The following SCMH1 variants were observed in gnomAD, a reference collection of about 807,000 sequenced individuals.
SCMH1 encodes the protein Scm polycomb group protein homolog 1.
Under a neutral mutation model 70.8 loss-of-function variants are expected in SCMH1, and 37 were observed. That is an observed-to-expected ratio of 0.52 (90% CI 0.40 to 0.69). SCMH1 has a LOEUF of 0.69. SCMH1 is among the 30% of genes least tolerant of loss of function. The pLI is 0.00. For synonymous variants in SCMH1, 292 were observed against 307.4 expected (o/e 0.95, Z 0.52); for missense variants, 607 against 827.3 (o/e 0.73, Z 3.27).
intron 12 of SCMH1, among the ~76,000 whole-genome samples, chr1:41,045,299 T>C (rs1457841688): frequency 6.6e-6 from 1 of 152,102 alleles, no homozygotes; most frequent in African/African-American, 2.4e-5. Context: ...ATCATAGAAA[T>C]GGCTGCAGGG....
intron 13 of SCMH1, among the ~76,000 whole-genome samples, chr1:41,031,989 T>C (rs1214003996): frequency 2.0e-5 from 3 of 150,740 alleles, no homozygotes; most frequent in African/African-American, 4.8e-5. Context: ...TGAATGAGAT[T>C]AGTACTCTCA....
intron 6 of SCMH1, among the ~76,000 whole-genome samples, chr1:41,127,676 C>T (rs1673558608): frequency 6.6e-6 from 1 of 152,114 alleles, no homozygotes; most frequent in African/African-American, 2.4e-5. Context: ...TAACTGTACC[C>T]AGAGACAGGG....
chr1:41,099,104 G>T, intron 8 of SCMH1: 1 of 238,268 alleles, frequency 4.2e-6, no homozygotes, highest in South Asian at 6.8e-5. Flanking sequence ...TGATGCTCTG[G>T]ATGTTGCCAA....
chr1:41,105,001 G>A (rs942152556), intron 8 of SCMH1, among the ~76,000 whole-genome samples: 4 of 152,178 alleles, frequency 2.6e-5, no homozygotes, highest in Non-Finnish European at 2.9e-5. Context: ...TGTTGCCCAG[G>A]CTGGAGTGCA....
intron 5 of SCMH1, among the ~76,000 whole-genome samples, chr1:41,146,945 T>C (rs541107635): frequency 2.0e-5 from 3 of 152,278 alleles, no homozygotes; most frequent in South Asian, 4.1e-4. Context: ...GTTTTCTTTA[T>C]ATAAATTTTT....
intron 8 of SCMH1, among the ~76,000 whole-genome samples, chr1:41,112,282 TTGAA>T (rs1224464037): frequency 2.0e-5 from 3 of 152,192 alleles, no homozygotes; most frequent in Non-Finnish European, 2.9e-5. Context: ...ATTTGGCTAA[TTGAA>T]TGAATGAATT....
In SCMH1 at chr1:41,061,304, A is replaced by G. The variant is rs184196027; in HGVS notation, c.1105+9291T>C. ...GATTATTTTTAAAAATTTTTAAAAAACCAAGACCCAAGTTTATGTTGTCTA... is the reference window on the plus strand; with the variant it reads ...GATTATTTTTAAAAATTTTTAAAAAGCCAAGACCCAAGTTTATGTTGTCTA... On this transcript the variant is annotated intron_variant, in intron 10 of 14. Coordinates refer to ENST00000337495, the Ensembl canonical transcript of SCMH1. Among the ~76,000 whole-genome samples the G allele has an allele frequency of 1.8e-3, 271 of 152,350 alleles. 1 individual carries two copies. Among genetic ancestry groups the G allele is most frequent in the Non-Finnish European group, 2.2e-3 (149 of 68,034 alleles).
intron 10 of SCMH1, among the ~76,000 whole-genome samples, chr1:41,053,148 G>A (rs1170459019): frequency 2.0e-5 from 1 of 49,722 alleles, no homozygotes; most frequent in Non-Finnish European, 3.7e-5. Context: ...CTCCCAAAGT[G>A]GTGGGATTAC....
At chr1:41,230,132 T>G (rs184038797) in intron 1 of SCMH1, among the ~76,000 whole-genome samples, 1 of 152,154 alleles carries the variant, frequency 6.6e-6, no homozygotes, top group Non-Finnish European at 1.5e-5. Context: ...GGAAAGCCAC[T>G]GAAGGATTTT....
At position 41,236,523 on chromosome 1, in the gene SCMH1, T is replaced by C. The variant is rs145940259; in HGVS notation, c.-118+5536A>G. Among the ~76,000 whole-genome samples, 5 of 152,262 alleles carry C rather than the reference T, an allele frequency of 3.3e-5. No individual in the cohort carries two copies. The East Asian group carries it at 9.6e-4, about 29-fold the overall frequency. On this transcript the variant is annotated intron_variant, in intron 1 of 14. Transcript: ENST00000337495. ...AAAGGAAGCCAGGTCAAAATAAGAA[T>C]AACAGTATGGAAGACAGACCGTTTG... is the stretch of plus-strand genomic sequence containing the variant.
chr1:41,108,896 C>T (rs1171230248), intron 8 of SCMH1, among the ~76,000 whole-genome samples: 1 of 152,176 alleles, frequency 6.6e-6, no homozygotes, highest in Non-Finnish European at 1.5e-5. Context: ...TGCTCAATGA[C>T]GTAACCAAGT....
intron 6 of SCMH1, among the ~76,000 whole-genome samples, chr1:41,121,709 A>C (rs895842320): frequency 4.6e-5 from 7 of 152,198 alleles, no homozygotes; most frequent in African/African-American, 1.4e-4. Flanking sequence ...CAACTACCTC[A>C]GTCTATAACT....
chr1:41,031,984 G>A (rs1644589800), intron 13 of SCMH1, among the ~76,000 whole-genome samples: 1 of 151,608 alleles, frequency 6.6e-6, no homozygotes, highest in Admixed American at 6.7e-5. Flanking sequence ...CCTCATGAAT[G>A]AGATTAGTAC....
At chr1:41,190,443 A>C (rs1386978212) in intron 1 of SCMH1, among the ~76,000 whole-genome samples, 2 of 152,208 alleles carry the variant, frequency 1.3e-5, no homozygotes, top group Non-Finnish European at 2.9e-5. Context: ...TCTGTATCCA[A>C]AAGTGGGATA....
chr1:41,205,420 C>G (rs542444625), intron 1 of SCMH1, among the ~76,000 whole-genome samples: 42 of 152,360 alleles, frequency 2.8e-4, no homozygotes, highest in African/African-American at 9.9e-4. Flanking sequence ...GGTCCCATGC[C>G]CATGGAGCCT....
chr1:41,235,070 T>C (rs527887730), intron 1 of SCMH1, among the ~76,000 whole-genome samples: 1 of 152,294 alleles, frequency 6.6e-6, no homozygotes, highest in East Asian at 1.9e-4. Context: ...TGAGTTACCA[T>C]GCCCAATGCA....
At chr1:41,122,802 A>AT (rs1189871400) in intron 6 of SCMH1, among the ~76,000 whole-genome samples, 1 of 152,168 alleles carries the variant, frequency 6.6e-6, no homozygotes, top group Non-Finnish European at 1.5e-5. Flanking sequence ...CCAAGGATTC[A>AT]TTTTTTAAAA....
intron 12 of SCMH1, chr1:41,042,978 T>A (rs1646402911): frequency 6.6e-6 from 1 of 152,198 alleles, no homozygotes; most frequent in South Asian, 2.1e-4. Context: ...TTAAATGCAG[T>A]GGATGATCCT....
intron 8 of SCMH1, among the ~76,000 whole-genome samples, chr1:41,102,734 C>T (rs1666925089): frequency 6.6e-6 from 1 of 152,130 alleles, no homozygotes; most frequent in African/African-American, 2.4e-5. Flanking sequence ...TAAGATGATT[C>T]AGGAGCAGTT....
Sources: allele counts gnomAD v4.1 joint callset (sites outside exome capture counted in the v4.1 genomes callset), GRCh38; gene constraint gnomAD v4.1.1; transcripts MANE v1.5; gene names NCBI Gene and HGNC (gene_info 2026-07-23, HGNC 2026-07-21).